Variants in GLCCI1 observed in about 807,000 individuals in gnomAD.
GLCCI1 encodes glucocorticoid-induced transcript 1 protein.
In GLCCI1, 24 loss-of-function variants were observed where a neutral mutation model predicts 52.2. That is an observed-to-expected ratio of 0.46 (90% confidence interval 0.33 to 0.65). GLCCI1 has a LOEUF of 0.65. Among genes scored for constraint, GLCCI1 ranks in the 30% least tolerant of loss-of-function variants. The pLI, the probability that GLCCI1 is intolerant of heterozygous loss-of-function variation, is 0.02. For missense variants in GLCCI1, 704 were observed against 701.5 expected (o/e 1.00, Z -0.04); for synonymous variants, 310 against 276.5 (o/e 1.12, Z -1.20).
At chr7:7,973,776 TATA>T (rs1378432077) in intron 1 of GLCCI1, among the ~76,000 whole-genome samples, 1 of 152,116 alleles carries the variant, frequency 6.6e-6, no homozygotes, top group African/African-American at 2.4e-5. Flanking sequence ...ATAATGCAAA[TATA>T]ATGTTAACTC....
intron 1 of GLCCI1, among the ~76,000 whole-genome samples, chr7:7,985,968 G>A (rs987324622): frequency 6.6e-6 from 1 of 152,130 alleles, no homozygotes; most frequent in African/African-American, 2.4e-5. Context: ...TATTTTTATA[G>A]TTGGTACCTG....
intron 3 of GLCCI1, among the ~76,000 whole-genome samples, chr7:8,046,381 G>A (rs1782127713): frequency 6.6e-6 from 1 of 152,182 alleles, no homozygotes; most frequent in South Asian, 2.1e-4. Flanking sequence ...GGAAGCAGGG[G>A]TGGACATGCC....
Position 8,086,081 on chromosome 7 carries a change from C to A in GLCCI1, c.1299-112C>A. On this transcript the variant is annotated intron_variant, in intron 7 of 7. Coordinates refer to ENST00000223145, the MANE Select transcript of GLCCI1 (RefSeq NM_138426.4). The surrounding 1 kb of genome is among the most constrained non-coding windows in gnomAD (Gnocchi z 4.4). ...TTTACCCCTCTGTATACACTTAACC[C>A]ATCTCCTGCCATTTACATTTTAGCT... 3 of 866,248 alleles carry A rather than the reference C, an allele frequency of 3.5e-6. No homozygotes were observed. The highest frequency in any genetic ancestry group is 5.4e-6 in the Non-Finnish European group (3 of 556,222). The allele number at this position is 866,248 out of a possible 1,614,324, so 53.7% of individuals were successfully genotyped here.
intron 2 of GLCCI1, among the ~76,000 whole-genome samples, chr7:8,006,576 A>G (rs1781154059): frequency 6.6e-6 from 1 of 152,218 alleles, no homozygotes. Context: ...CGCTTGTAAC[A>G]TTTGCAGGGT....
chr7:8,036,635 A>G (rs1781874339), intron 3 of GLCCI1, among the ~76,000 whole-genome samples: 1 of 152,206 alleles, frequency 6.6e-6, no homozygotes, highest in Non-Finnish European at 1.5e-5. Context: ...GAGAAAGTTC[A>G]AAAACAATAC....
chr7:8,023,588 C>CCTTTTTTTTTTTT (rs1781543370), intron 3 of GLCCI1, among the ~76,000 whole-genome samples: 1 of 41,984 alleles, frequency 2.4e-5, no homozygotes, highest in African/African-American at 1.0e-4. Context: ...CTCTGTTATT[C>CCTTTTTTTTTTTT]TTTTTTTTTT....
At chr7:8,066,533 C>T (rs1378950313) in intron 5 of GLCCI1, among the ~76,000 whole-genome samples, 1 of 150,258 alleles carries the variant, frequency 6.7e-6, no homozygotes, top group African/African-American at 2.5e-5. Flanking sequence ...TTGTAAATTT[C>T]CCTCTTAACA....
chr7:8,086,445 G>A lies in GLCCI1; in HGVS notation c.1551G>A (p.Glu517=). ...SDDTSTAGSM[E]ASVQQPSQQQ... ...ACACCAGCACAGCGGGCTCCATGGAGGCCTCTGTCCAGCAGCCATCCCAGC... is the reference window on the plus strand; with the variant it reads ...ACACCAGCACAGCGGGCTCCATGGAAGCCTCTGTCCAGCAGCCATCCCAGC... The change falls in exon 8 of 8, where the codon GAG becomes GAA. Residue 517 remains glutamate, a synonymous_variant. Coordinates refer to ENST00000223145, the MANE Select transcript of GLCCI1 (RefSeq NM_138426.4). This position sits in a 1 kb window ranked among gnomAD's most constrained non-coding sequence, Gnocchi z 4.4. 1.2e-6 allele frequency: 2 copies of A among 1,614,128 alleles called. No individual in the cohort carries two copies. The highest frequency in any genetic ancestry group is 1.3e-5 in the African/African-American group (1 of 75,032).
chr7:8,006,587 CT>C (rs1332114029), intron 2 of GLCCI1, among the ~76,000 whole-genome samples: 1 of 152,134 alleles, frequency 6.6e-6, no homozygotes, highest in Non-Finnish European at 1.5e-5. Flanking sequence ...TTTGCAGGGT[CT>C]GCAGCAAATA....
intron 2 of GLCCI1, 55 bp from the exon 3 acceptor site, chr7:8,022,428 G>A: frequency 2.0e-6 from 2 of 991,894 alleles, no homozygotes; most frequent in South Asian, 2.1e-5. Flanking sequence ...AGTTGCTTGA[G>A]ATTAGGAAGT....
chr7:8,080,812 C>A (rs954058881), intron 6 of GLCCI1, among the ~76,000 whole-genome samples: 1 of 149,258 alleles, frequency 6.7e-6, no homozygotes, highest in Non-Finnish European at 1.5e-5. Context: ...CTATCCTAAT[C>A]CTTTTTTTGT....
chr7:8,084,461 G>A (rs1783058993), intron 6 of GLCCI1, among the ~76,000 whole-genome samples: 1 of 152,160 alleles, frequency 6.6e-6, no homozygotes, highest in Non-Finnish European at 1.5e-5. Flanking sequence ...TTTCTGCTAA[G>A]AACTTTTGTA....
At chr7:7,977,028 A>G (rs2115403734) in intron 1 of GLCCI1, among the ~76,000 whole-genome samples, 1 of 152,282 alleles carries the variant, frequency 6.6e-6, no homozygotes, top group South Asian at 2.1e-4. Context: ...AAGATCAAAT[A>G]CTTATTAACT....
At chr7:8,071,284 T>C (rs1398672427) in intron 6 of GLCCI1, among the ~76,000 whole-genome samples, 153 bp downstream of exon 6, 1 of 152,156 alleles carries the variant, frequency 6.6e-6, no homozygotes, top group Non-Finnish European at 1.5e-5. Context: ...TGGTTTCACA[T>C]ACCCCCTTTT....
chr7:8,086,618 C>G lies in GLCCI1; in HGVS notation c.*80C>G, dbSNP rs1485599642. The G allele has an allele frequency of 9.7e-7, 1 of 1,035,322 alleles. No individual in the cohort carries two copies. The highest frequency in any genetic ancestry group is 1.4e-6 in the Non-Finnish European group (1 of 700,170). The allele number at this position is 1,035,322 out of a possible 1,614,324, so 64.1% of individuals were successfully genotyped here. A position where few individuals can be genotyped will look rare whatever the true frequency, so the allele number is the denominator to read the frequency against. ...GACATCTGCATGAGTGACAAACTTT[C>G]TGAACACCACCACCACCAATAATAC... On this transcript the variant is annotated 3_prime_UTR_variant, in exon 8 of 8. Coordinates refer to ENST00000223145, the MANE Select transcript of GLCCI1 (RefSeq NM_138426.4). This position sits in a 1 kb window ranked among gnomAD's most constrained non-coding sequence, Gnocchi z 4.4.
intron 1 of GLCCI1, among the ~76,000 whole-genome samples, chr7:8,001,328 G>T (rs943392114): frequency 3.9e-5 from 6 of 152,266 alleles, no homozygotes; most frequent in East Asian, 3.9e-4. Context: ...GAAATTCTGG[G>T]TTGAAAGTTC....
intron 4 of GLCCI1, among the ~76,000 whole-genome samples, chr7:8,058,575 G>T (rs1185070697): frequency 6.6e-6 from 1 of 152,156 alleles, no homozygotes; most frequent in Non-Finnish European, 1.5e-5. Flanking sequence ...ATAAAGAAAT[G>T]GTGGGGCAAT....
At chr7:8,067,821 T>C (rs1382469308) in intron 5 of GLCCI1, among the ~76,000 whole-genome samples, 1 of 152,178 alleles carries the variant, frequency 6.6e-6, no homozygotes, top group East Asian at 1.9e-4. Context: ...CTGATGATTA[T>C]GTATCTTGGG....
At chr7:8,020,459 G>A (rs1005463423) in intron 2 of GLCCI1, among the ~76,000 whole-genome samples, 1 of 152,100 alleles carries the variant, frequency 6.6e-6, no homozygotes, top group African/African-American at 2.4e-5. Flanking sequence ...TTTAAGAAAA[G>A]GATAATAGGA....
Sources: allele counts gnomAD v4.1 joint callset (sites outside exome capture counted in the v4.1 genomes callset), GRCh38; gene constraint gnomAD v4.1.1; non-coding constraint Gnocchi (gnomAD v3.1); transcripts MANE v1.5; gene names NCBI Gene and HGNC (gene_info 2026-07-23, HGNC 2026-07-21).